Variants in COMMD1 observed in about 807,000 individuals in gnomAD.
COMMD1 encodes the protein copper metabolism domain containing 1.
COMMD1 carries 10 observed loss-of-function variants against 17.2 expected under a neutral mutation model. That is an observed-to-expected ratio of 0.58 (90% CI 0.36 to 0.99). The LOEUF (loss-of-function observed/expected upper bound fraction) is 0.99, where lower values mean the gene tolerates loss of function less well. Among genes scored for constraint, COMMD1 ranks in the 50% least tolerant of loss-of-function variants. The pLI, the probability that COMMD1 is intolerant of heterozygous loss-of-function variation, is 0.01. For missense variants in COMMD1, 270 were observed against 231.8 expected, an observed-to-expected ratio of 1.17 and a Z score of -1.07; for synonymous variants, 97 against 91.6, an observed-to-expected ratio of 1.06 and a Z score of -0.34.
rs553567284 is a variant in COMMD1, at chr2:61,971,513, G to A, written c.181-29188G>A. ...TGGCGTGCCTGGGCATCTAACAAAG[G>A]CAAAAAGGAAAAAAGAGAAAAAGGA... On this transcript the variant is annotated intron_variant, in intron 1 of 2. Transcript: ENST00000311832. Among the ~76,000 whole-genome samples, 3 of 152,008 alleles carry A rather than the reference G, an allele frequency of 2.0e-5. No individual in the cohort carries two copies. The East Asian group carries it at 5.8e-4, about 29-fold the overall frequency.
chr2:61,995,156 G>T (rs1392043294), intron 1 of COMMD1, among the ~76,000 whole-genome samples: 1 of 151,890 alleles, frequency 6.6e-6, no homozygotes, highest in Non-Finnish European at 1.5e-5. Context: ...GTGTTTTCCA[G>T]GCTGGTCATT....
chr2:62,032,179 C>A (rs1023244396), intron 2 of COMMD1, among the ~76,000 whole-genome samples: 1 of 152,120 alleles, frequency 6.6e-6, no homozygotes, highest in Non-Finnish European at 1.5e-5. Context: ...AACTATCCAG[C>A]ATGTATGAAT....
chr2:61,892,537 A>G (rs1669457206), intron 1 of COMMD1, among the ~76,000 whole-genome samples: 1 of 151,942 alleles, frequency 6.6e-6, no homozygotes, highest in African/African-American at 2.4e-5. Context: ...TACTAAAAAT[A>G]CAAAAAATTA....
chr2:62,034,472 C>A (rs1396124170), intron 2 of COMMD1, among the ~76,000 whole-genome samples: 1 of 151,938 alleles, frequency 6.6e-6, no homozygotes, highest in Non-Finnish European at 1.5e-5. Flanking sequence ...CCAGCCTGGG[C>A]GATAGAGTGA....
chr2:61,978,986 A>G (rs1671880090), intron 1 of COMMD1, among the ~76,000 whole-genome samples: 1 of 152,188 alleles, frequency 6.6e-6, no homozygotes, highest in South Asian at 2.1e-4. Flanking sequence ...TCTTTTAGTT[A>G]CTGTAAAATA....
At chr2:61,942,482 C>G (rs1374267431) in intron 1 of COMMD1, among the ~76,000 whole-genome samples, 1 of 151,334 alleles carries the variant, frequency 6.6e-6, no homozygotes, top group African/African-American at 2.4e-5. Context: ...CACTCATGAT[C>G]TGCCTGCTTT....
intron 2 of COMMD1, among the ~76,000 whole-genome samples, chr2:62,077,259 G>T (rs985810225): frequency 7.1e-4 from 108 of 152,282 alleles, no homozygotes; most frequent in African/African-American, 2.6e-3. Context: ...AGTATTTATT[G>T]TTCCAATTTA....
chr2:61,950,396 T>G (rs1376069714), intron 1 of COMMD1, among the ~76,000 whole-genome samples: 1 of 152,196 alleles, frequency 6.6e-6, no homozygotes, highest in Non-Finnish European at 1.5e-5. Flanking sequence ...CAGGGTTTAT[T>G]TATGTGTGTC....
chr2:62,045,364 T>C (rs1462793980), intron 2 of COMMD1, among the ~76,000 whole-genome samples: 1 of 152,168 alleles, frequency 6.6e-6, no homozygotes, highest in African/African-American at 2.4e-5. Context: ...TTGTAAATCT[T>C]GTGACCTCCA....
At chr2:62,083,619 A>G (rs570819232) in intron 2 of COMMD1, among the ~76,000 whole-genome samples, 14 of 152,198 alleles carry the variant, frequency 9.2e-5, no homozygotes, top group Non-Finnish European at 1.8e-4. Context: ...TTGTCATTCA[A>G]CTTTTTTTGT....
intron 2 of COMMD1, among the ~76,000 whole-genome samples, chr2:62,059,480 T>A (rs1364720187): frequency 6.6e-6 from 1 of 152,132 alleles, no homozygotes; most frequent in African/African-American, 2.4e-5. Context: ...GAAATGTCAG[T>A]CTTTATTTCT....
At chr2:61,960,371 C>G (rs919760102) in intron 1 of COMMD1, among the ~76,000 whole-genome samples, 1 of 152,010 alleles carries the variant, frequency 6.6e-6, no homozygotes, top group African/African-American at 2.4e-5. Flanking sequence ...GTAGTACTGA[C>G]GAGTTTCTGC....
At chr2:62,095,524 C>T (rs1296957848) in intron 2 of COMMD1, among the ~76,000 whole-genome samples, 1 of 151,850 alleles carries the variant, frequency 6.6e-6, no homozygotes, top group Admixed American at 6.6e-5. Context: ...TTACACTATC[C>T]CTGCCTGTAG....
rs142902399 is a variant in COMMD1, at chr2:62,042,083, C to T, written c.462+41101C>T. Among the ~76,000 whole-genome samples, 819 of 152,134 alleles carry T rather than the reference C, an allele frequency of 5.4e-3. 8 individuals carry two copies. Among genetic ancestry groups the T allele is most frequent in the African/African-American group, 0.017 (721 of 41,496 alleles). On this transcript the variant is annotated intron_variant, in intron 2 of 2. Transcript: ENST00000311832. Reference sequence around the variant, plus strand: ...CTGATTGGTCCATTTTACAGAGCACCGATTGGTCCATTTTACAGAGAGCTG... The same window carrying T: ...CTGATTGGTCCATTTTACAGAGCACTGATTGGTCCATTTTACAGAGAGCTG...
chr2:62,099,226 C>T (rs1000229567), intron 2 of COMMD1, among the ~76,000 whole-genome samples: 4 of 152,046 alleles, frequency 2.6e-5, no homozygotes, highest in African/African-American at 9.7e-5. Flanking sequence ...TTAGAAGTGG[C>T]GAGACAGTTT....
At chr2:62,043,508 C>T (rs777679542) in intron 2 of COMMD1, among the ~76,000 whole-genome samples, 8 of 152,130 alleles carry the variant, frequency 5.3e-5, no homozygotes, top group Non-Finnish European at 8.8e-5. Flanking sequence ...GTGCTTATGA[C>T]AGTATTAGGC....
intron 1 of COMMD1, among the ~76,000 whole-genome samples, chr2:61,994,072 C>T (rs542921363): frequency 3.3e-5 from 5 of 152,196 alleles, no homozygotes; most frequent in African/African-American, 1.2e-4. Flanking sequence ...CTGCAACCTT[C>T]GCCTCCCGGG....
exon 1 of COMMD1, chr2:61,888,750 C>T: frequency 1.9e-6 from 1 of 529,464 alleles, no homozygotes; most frequent in Non-Finnish European, 3.3e-6. Flanking sequence ...TCCGGGCTGG[C>T]GAGATTGTAC....
intron 2 of COMMD1, among the ~76,000 whole-genome samples, chr2:62,080,188 C>T (rs1284370355): frequency 5.4e-5 from 8 of 148,804 alleles, no homozygotes; most frequent in Admixed American, 4.7e-4. Context: ...AGTAGTGGCT[C>T]ATGCCTGTAA....
Sources: allele counts gnomAD v4.1 joint callset (sites outside exome capture counted in the v4.1 genomes callset), GRCh38; gene constraint gnomAD v4.1.1; transcripts MANE v1.5; gene names NCBI Gene and HGNC (gene_info 2026-07-23, HGNC 2026-07-21).